RHPN2: variants seen among roughly 807,000 people sequenced by gnomAD.
RHPN2 encodes the protein rhophilin-2.
A neutral mutation model predicts 79.0 loss-of-function variants in RHPN2; 40 were observed. That is an observed-to-expected ratio of 0.51 (90% CI 0.39 to 0.66). The LOEUF is 0.66. RHPN2 is among the 30% of genes least tolerant of loss of function. The probability of loss-of-function intolerance (pLI) is 0.00; values close to 1 mark genes in which losing one functional copy is unlikely to be tolerated. For missense variants in RHPN2, 686 were observed against 883.5 expected (o/e 0.78, Z 2.83); for synonymous variants, 285 against 363.5 (o/e 0.78, Z 2.46).
intron 7 of RHPN2, 122 bp from the exon 8 acceptor site, chr19:33,003,122 G>GC (rs1971763242): frequency 9.8e-6 from 8 of 814,458 alleles, no homozygotes; most frequent in African/African-American, 1.7e-5. Context: ...ACTTTGGGAG[G>GC]CCGAAGTGAG....
At chr19:33,015,850 A>C (rs1484707466) in intron 4 of RHPN2, among the ~76,000 whole-genome samples, 2 of 152,096 alleles carry the variant, frequency 1.3e-5, no homozygotes, top group Non-Finnish European at 2.9e-5. Flanking sequence ...GGAGTTTGAG[A>C]CCAGCCTGGC....
intron 2 of RHPN2, among the ~76,000 whole-genome samples, chr19:33,035,396 C>A (rs1313211583): frequency 6.6e-6 from 1 of 152,210 alleles, no homozygotes; most frequent in Non-Finnish European, 1.5e-5. Flanking sequence ...GCCACCACAC[C>A]TGGCCTAAAA....
chr19:33,047,516 CTCTAGG>C (rs1407268099), intron 1 of RHPN2, among the ~76,000 whole-genome samples: 2 of 152,180 alleles, frequency 1.3e-5, no homozygotes, highest in African/African-American at 4.8e-5. Context: ...TGCCGCTTAT[CTCTAGG>C]TCCTGCCCAC....
intron 4 of RHPN2, 139 bp from the exon 5 acceptor site, chr19:33,012,863 A>T: frequency 1.5e-6 from 1 of 645,692 alleles, no homozygotes; most frequent in Non-Finnish European, 2.8e-6. Flanking sequence ...AAGTGGGGGA[A>T]TTTATTTTCT....
At chr19:33,027,092 CT>C in intron 2 of RHPN2, 1 of 264,920 alleles carries the variant, frequency 3.8e-6, no homozygotes, top group Non-Finnish European at 7.5e-6. Context: ...AACTCTGTCT[CT>C]ACTAAAAAAT....
intron 14 of RHPN2, 77 bp from the exon 15 acceptor site, chr19:32,980,333 C>A (rs1442175787): frequency 2.1e-5 from 32 of 1,552,998 alleles, no homozygotes; most frequent in Non-Finnish European, 2.8e-5. Context: ...TTTGGCCAGG[C>A]GCGGTGGCTC....
At chr19:33,056,166 G>A (rs1972231550) in intron 1 of RHPN2, among the ~76,000 whole-genome samples, 2 of 146,632 alleles carry the variant, frequency 1.4e-5, no homozygotes, top group South Asian at 4.3e-4. Flanking sequence ...TGGCTGGAGT[G>A]CAATGGCGTG....
chr19:33,029,065 G>A (rs144336105), intron 2 of RHPN2, among the ~76,000 whole-genome samples: 69 of 151,794 alleles, frequency 4.5e-4, no homozygotes, highest in African/African-American at 1.6e-3. Context: ...ACTTGAACCC[G>A]GAAGGCAGAG....
At chr19:33,011,623 C>T in intron 6 of RHPN2, 56 bp downstream of exon 6, 1 of 1,613,418 alleles carries the variant, frequency 6.2e-7, no homozygotes, top group Non-Finnish European at 8.5e-7. Flanking sequence ...TGCTGAGGCT[C>T]CAAAATTGTG....
In RHPN2 at chr19:32,980,248, CTTA is replaced by C. The variant is rs776067822; in HGVS notation, c.1806_1808del (p.Asn602del). 4 of 1,613,866 alleles carry C rather than the reference CTTA, an allele frequency of 2.5e-6. No homozygotes were observed. The highest frequency in any genetic ancestry group is 1.7e-6 in the Non-Finnish European group (2 of 1,179,846). ...GCATTCCCACGGAGTATGTGGCACT[CTTA>C]TTATGCTGCACATAGAAAAGTAAGA... On this transcript the variant is annotated inframe_deletion, in exon 15 of 15. Transcript: ENST00000254260.
chr19:33,055,874 C>A (rs139605847), intron 1 of RHPN2, among the ~76,000 whole-genome samples: 1 of 152,100 alleles, frequency 6.6e-6, no homozygotes, highest in Non-Finnish European at 1.5e-5. Context: ...TTTCTGTGAA[C>A]AAGAAACAAC....
At chr19:32,981,680 TTTC>T (rs1971575977) in intron 14 of RHPN2, among the ~76,000 whole-genome samples, 1 of 143,102 alleles carries the variant, frequency 7.0e-6, no homozygotes, top group Non-Finnish European at 1.5e-5. Flanking sequence ...TACACCTGAT[TTTC>T]TTTTTTTCTT....
chr19:33,047,706 G>T (rs1182818215), intron 1 of RHPN2, among the ~76,000 whole-genome samples: 1 of 152,132 alleles, frequency 6.6e-6, no homozygotes, highest in Non-Finnish European at 1.5e-5. Context: ...ATCTATAGCG[G>T]AAACCTCCTC....
At chr19:32,998,059 C>G (rs1971717084) in intron 10 of RHPN2, among the ~76,000 whole-genome samples, 1 of 152,194 alleles carries the variant, frequency 6.6e-6, no homozygotes, top group Admixed American at 6.5e-5. Flanking sequence ...GAGCAGGGGA[C>G]TGATGTGATC....
chr19:33,042,846 T>C (rs1972110931), intron 2 of RHPN2, among the ~76,000 whole-genome samples: 2 of 152,004 alleles, frequency 1.3e-5, no homozygotes, highest in South Asian at 4.1e-4. Flanking sequence ...TTTGGGAGGC[T>C]GAGGCGGGTG....
rs1971698080 is a variant in RHPN2, at chr19:32,996,045, G to A, written c.1401C>T (p.Ile467=). ...ACTCACCAACAACACTGGGGGCGTC[G>A]ATCAGGTTCAGCAGGTCATCCTCCT... ...HQEEDDLLNL[I]DAPSVVAKTE... The change falls in exon 11 of 15, where the codon ATC becomes ATT. Residue 467 remains isoleucine, a synonymous_variant. Transcript: ENST00000254260. 4 of 1,613,864 alleles carry A rather than the reference G, an allele frequency of 2.5e-6. No individual in the cohort carries two copies. The highest frequency in any genetic ancestry group is 3.4e-6 in the Non-Finnish European group (4 of 1,179,872).
intron 4 of RHPN2, among the ~76,000 whole-genome samples, chr19:33,014,083 C>T (rs1012392815): frequency 6.7e-6 from 1 of 150,012 alleles, no homozygotes; most frequent in Non-Finnish European, 1.5e-5. Flanking sequence ...GCCCTGTCGC[C>T]CCACCCCCGC....
intron 1 of RHPN2, among the ~76,000 whole-genome samples, chr19:33,063,642 C>A (rs1386896991): frequency 6.6e-6 from 1 of 152,218 alleles, no homozygotes; most frequent in Non-Finnish European, 1.5e-5. Context: ...ACCATGACTC[C>A]CGGCTCCAAA....
chr19:33,029,269 G>A (rs1434825247), intron 2 of RHPN2, among the ~76,000 whole-genome samples: 1 of 152,124 alleles, frequency 6.6e-6, no homozygotes, highest in Non-Finnish European at 1.5e-5. Context: ...GCTCACGCCT[G>A]TAATCCCAGC....
Sources: gnomAD v4.1 joint callset for allele counts (sites outside exome capture counted in the v4.1 genomes callset) on GRCh38, gnomAD v4.1.1 for gene constraint, MANE v1.5 for transcripts, NCBI Gene and HGNC (gene_info 2026-07-23, HGNC 2026-07-21) for gene names.